Variants in NEK10 observed in about 807,000 individuals in gnomAD.
The protein encoded by NEK10 is serine/threonine-protein kinase Nek10.
NEK10 carries 122 observed loss-of-function variants against 159.8 expected under a neutral mutation model. That is an observed-to-expected ratio of 0.76 (90% CI 0.66 to 0.89). The LOEUF is 0.89. Ranked by LOEUF, NEK10 falls within the 40% of genes least tolerant of loss-of-function variation. The probability of loss-of-function intolerance (pLI) is 0.00; values close to 1 mark genes in which losing one functional copy is unlikely to be tolerated. For missense variants in NEK10, 1,342 were observed against 1,323.1 expected (o/e 1.01, Z -0.22); for synonymous variants, 466 against 457.1 (o/e 1.02, Z -0.25).
chr3:27,206,917 G>C (rs1575246902), intron 23 of NEK10, among the ~76,000 whole-genome samples: 1 of 152,158 alleles, frequency 6.6e-6, no homozygotes, highest in Admixed American at 6.5e-5. Flanking sequence ...GCCTGTGACT[G>C]TCTTTGCCCC....
chr3:27,282,559 T>TATATATATATATATATATAC, intron 22 of NEK10, among the ~76,000 whole-genome samples: 1 of 86,894 alleles, frequency 1.2e-5, no homozygotes, highest in African/African-American at 5.3e-5. Context: ...TATATATATA[T>TATATATATATATATATATAC]ACATAACTGT....
At chr3:27,185,582 G>C (rs922057884) in intron 26 of NEK10, among the ~76,000 whole-genome samples, 1 of 152,118 alleles carries the variant, frequency 6.6e-6, no homozygotes, top group African/African-American at 2.4e-5. Context: ...CCATCCCTAT[G>C]GATTTTGCAC....
At chr3:27,123,682 C>T (rs1042818021) in intron 32 of NEK10, among the ~76,000 whole-genome samples, 6 of 151,900 alleles carry the variant, frequency 3.9e-5, no homozygotes, top group African/African-American at 9.7e-5. Flanking sequence ...GTTCTAAATG[C>T]ATTGAAAGAC....
chr3:27,177,764 T>C (rs1947666135), intron 26 of NEK10, among the ~76,000 whole-genome samples: 1 of 152,178 alleles, frequency 6.6e-6, no homozygotes, highest in Admixed American at 6.5e-5. Context: ...TTAAATCCTT[T>C]AGTGCTTTGC....
At chr3:27,332,476 C>G (rs1174441058) in intron 5 of NEK10, among the ~76,000 whole-genome samples, 1 of 152,192 alleles carries the variant, frequency 6.6e-6, no homozygotes, top group East Asian at 1.9e-4. Flanking sequence ...TTAACACTCT[C>G]TTCCTTCATT....
At chr3:27,299,008 T>C (rs1264410390) in intron 13 of NEK10, among the ~76,000 whole-genome samples, 1 of 152,054 alleles carries the variant, frequency 6.6e-6, no homozygotes, top group East Asian at 1.9e-4. Context: ...GAAAAGAAAA[T>C]CTAATTTTCT....
At chr3:27,344,203 G>T in intron 5 of NEK10, 69 bp downstream of exon 5, 2 of 762,080 alleles carry the variant, frequency 2.6e-6, no homozygotes, top group Non-Finnish European at 4.5e-6. Flanking sequence ...TTCAAATCAT[G>T]TTCTAGAGAC....
At chr3:27,279,827 T>C (rs986313687) in intron 22 of NEK10, among the ~76,000 whole-genome samples, 12 of 152,144 alleles carry the variant, frequency 7.9e-5, no homozygotes, top group African/African-American at 2.7e-4. Context: ...GCTGCTTCTT[T>C]ATTTGACACT....
chr3:27,353,983 G>C (rs2048153306), intron 1 of NEK10, among the ~76,000 whole-genome samples: 1 of 152,126 alleles, frequency 6.6e-6, no homozygotes, highest in African/African-American at 2.4e-5. Context: ...AAAAGCCAAA[G>C]ACCCAAGTGC....
Position 27,269,810 on chromosome 3 carries a change from T to C in NEK10, c.2015-13439A>G, listed in dbSNP as rs938357262. On this transcript the variant is annotated intron_variant, in intron 22 of 35. Coordinates refer to ENST00000691995, the MANE Select transcript of NEK10 (RefSeq NM_001394966.1). ...AGTTAATCTTAGTACTAGTTAAAAA[T>C]CATTTTAATACATGAAACTTGTCCT... Among the ~76,000 whole-genome samples, 11 of 152,230 alleles carry C rather than the reference T, an allele frequency of 7.2e-5. No individual in the cohort carries two copies. In the East Asian group the frequency reaches 9.6e-4, roughly 13 times the overall value.
rs139436554 is a variant in NEK10 at position 27,228,678 on chromosome 3, T to C, written c.2091-26121A>G. Among the ~76,000 whole-genome samples the C allele has an allele frequency of 4.8e-3, 736 of 152,224 alleles. 10 individuals carry two copies. The highest frequency in any genetic ancestry group is 0.028 in the Admixed American group (428 of 15,288). ...GCCTTCCTGGAACAATTTAGAATGA[T>C]TGTAGCCCCACAGGAGGAGCACTCC... On this transcript the variant is annotated intron_variant, in intron 23 of 35. Coordinates refer to ENST00000691995, the MANE Select transcript of NEK10 (RefSeq NM_001394966.1).
At chr3:27,162,268 A>C in intron 30 of NEK10, 4 of 1,005,040 alleles carry the variant, frequency 4.0e-6, no homozygotes, top group Non-Finnish European at 5.5e-6. Flanking sequence ...TAATATTTCA[A>C]CCAACAGTGA....
intron 32 of NEK10, among the ~76,000 whole-genome samples, chr3:27,124,633 T>C (rs1941728926): frequency 6.6e-6 from 1 of 152,188 alleles, no homozygotes; most frequent in Non-Finnish European, 1.5e-5. Flanking sequence ...TACTCAGGCA[T>C]TAATGACTTA....
chr3:27,162,135 G>A (rs1609978), intron 30 of NEK10: 101,638 of 258,414 alleles, frequency 0.39, 23,506 homozygotes, highest in East Asian at 0.75. Context: ...AGAGTTTACA[G>A]AAATACCTAT....
intron 22 of NEK10, among the ~76,000 whole-genome samples, chr3:27,268,849 C>T (rs1012613054): frequency 2.6e-5 from 4 of 152,060 alleles, no homozygotes; most frequent in South Asian, 4.1e-4. Flanking sequence ...ATCTGGGCAA[C>T]GTTTACCTCC....
At chr3:27,340,227 A>G (rs2047106441) in intron 5 of NEK10, among the ~76,000 whole-genome samples, 1 of 152,236 alleles carries the variant, frequency 6.6e-6, no homozygotes, top group African/African-American at 2.4e-5. Flanking sequence ...TGAAGCTGGA[A>G]GCCATCGTTC....
intron 23 of NEK10, among the ~76,000 whole-genome samples, chr3:27,250,213 GTCTC>G (rs1412266203): frequency 6.7e-6 from 1 of 149,662 alleles, no homozygotes; most frequent in Non-Finnish European, 1.5e-5. Flanking sequence ...TTGAGATGGA[GTCTC>G]TCTCTGTCAC....
At chr3:27,154,876 G>A (rs1945248075) in intron 30 of NEK10, among the ~76,000 whole-genome samples, 1 of 152,134 alleles carries the variant, frequency 6.6e-6, no homozygotes, top group Non-Finnish European at 1.5e-5. Flanking sequence ...CATTCTCTCT[G>A]AGAACTGGAA....
intron 31 of NEK10, among the ~76,000 whole-genome samples, chr3:27,140,717 A>G (rs989673480): frequency 1.3e-5 from 2 of 152,180 alleles, no homozygotes; most frequent in Non-Finnish European, 2.9e-5. Context: ...AATCTAGAGC[A>G]AGGCAATGTT....
Sources: allele counts gnomAD v4.1 joint callset (sites outside exome capture counted in the v4.1 genomes callset), GRCh38; gene constraint gnomAD v4.1.1; transcripts MANE v1.5; gene names NCBI Gene and HGNC (gene_info 2026-07-23, HGNC 2026-07-21).